TTLL1: variants seen among roughly 807,000 people sequenced by gnomAD.
TTLL1 encodes the protein polyglutamylase complex subunit TTLL1.
Under a neutral mutation model 47.8 loss-of-function variants are expected in TTLL1, and 33 were observed. That is an observed-to-expected ratio of 0.69 (90% confidence interval 0.52 to 0.92). The LOEUF (loss-of-function observed/expected upper bound fraction) is 0.92. Among genes scored for constraint, TTLL1 ranks in the 40% least tolerant of loss-of-function variants. TTLL1 has a pLI of 0.00. For missense variants in TTLL1, 488 were observed against 547.5 expected, an observed-to-expected ratio of 0.89 and a Z score of 1.08; for synonymous variants, 225 against 214.1, an observed-to-expected ratio of 1.05 and a Z score of -0.45.
chr22:43,049,040 C>A (rs1926383444), intron 9 of TTLL1, among the ~76,000 whole-genome samples: 1 of 151,748 alleles, frequency 6.6e-6, no homozygotes, highest in Admixed American at 6.6e-5. Flanking sequence ...ACTATGTTCA[C>A]TATTTGGGTG....
At chr22:43,052,220 G>T (rs1926689568) in intron 8 of TTLL1, 2 of 365,522 alleles carry the variant, frequency 5.5e-6, no homozygotes, top group Non-Finnish European at 1.1e-5. Context: ...CCCAGAACCT[G>T]CAGTGAAGGT....
At chr22:43,081,885 T>C (rs187282259) in intron 1 of TTLL1, among the ~76,000 whole-genome samples, 28 of 128,072 alleles carry the variant, frequency 2.2e-4, no homozygotes, top group Non-Finnish European at 3.9e-4. Context: ...AGTCTTTCTC[T>C]GTCACTCAGG....
intron 8 of TTLL1, among the ~76,000 whole-genome samples, chr22:43,054,621 A>G (rs1298789204): frequency 6.6e-6 from 1 of 150,426 alleles, no homozygotes; most frequent in Non-Finnish European, 1.5e-5. Flanking sequence ...ATAGGATTTC[A>G]CCATGTTGGC....
chr22:43,043,201 A>G (rs1925838994), intron 10 of TTLL1, among the ~76,000 whole-genome samples: 1 of 151,856 alleles, frequency 6.6e-6, no homozygotes, highest in South Asian at 2.1e-4. Context: ...TTGGCCTCCC[A>G]AAGTGCTGGG....
intron 10 of TTLL1, among the ~76,000 whole-genome samples, chr22:43,045,740 C>T (rs1437338300): frequency 6.6e-6 from 1 of 151,912 alleles, no homozygotes; most frequent in African/African-American, 2.4e-5. Flanking sequence ...CGCACTCCAC[C>T]CAGCCTACTC....
At chr22:43,070,689 C>T (rs1407116661) in intron 3 of TTLL1, among the ~76,000 whole-genome samples, 3 of 152,114 alleles carry the variant, frequency 2.0e-5, no homozygotes, top group Admixed American at 2.0e-4. Context: ...TTAAGGGACC[C>T]CCATTGCCCC....
intron 3 of TTLL1, chr22:43,070,272 A>T (rs1415308719): frequency 8.5e-7 from 1 of 1,175,052 alleles, no homozygotes. Context: ...GGGGTTATTT[A>T]AGGGCCCTGA....
chr22:43,043,613 C>T (rs1465662772), intron 10 of TTLL1, among the ~76,000 whole-genome samples: 1 of 152,084 alleles, frequency 6.6e-6, no homozygotes, highest in African/African-American at 2.4e-5. Context: ...TGCCCATCAT[C>T]GCACCCACCA....
Position 43,041,809 on chromosome 22 carries a change from C to T in TTLL1, c.1143-1904G>A, listed in dbSNP as rs534464351. On this transcript the variant is annotated intron_variant, in intron 10 of 10. Transcript: ENST00000266254. ...GGGATTACAGGTGTGAGCCACTGCG[C>T]CTGGCCGCATTTTCTGACTTCTGTC... is the stretch of plus-strand genomic sequence containing the variant. 3.9e-5 allele frequency among the ~76,000 whole-genome samples: 6 copies of T among 152,282 alleles called. No individual in the cohort carries two copies. In the South Asian group the frequency reaches 1.0e-3, roughly 26 times the overall value.
intron 3 of TTLL1, chr22:43,070,341 T>C (rs1401742335): frequency 1.8e-6 from 1 of 554,712 alleles, no homozygotes; most frequent in East Asian, 7.1e-5. Context: ...ACGACAGAGT[T>C]GAAAGAGAAA....
chr22:43,062,503 A>AAG (rs35579475), intron 7 of TTLL1, among the ~76,000 whole-genome samples: 1 of 145,942 alleles, frequency 6.9e-6, no homozygotes, highest in East Asian at 2.2e-4. Context: ...AAAAAAAAAA[A>AAG]GAAAAGAAAA....
In TTLL1 at chr22:43,040,197, G is replaced by C; in HGVS notation, c.1143-292C>G. 1.1e-5 allele frequency: 3 copies of C among 271,340 alleles called. No individual in the cohort carries two copies. The South Asian group carries it at 1.5e-4, about 13-fold the overall frequency. The allele number at this position is 271,340 out of a possible 1,614,324, so 16.8% of individuals were successfully genotyped here. On this transcript the variant is annotated intron_variant, in intron 10 of 10. Transcript: ENST00000266254. Reference sequence around the variant, plus strand: ...CCTCGGAAGCTGACATTTTATACAGGTCACCAGGTCAAATATGGCAATGAC... The same window carrying C: ...CCTCGGAAGCTGACATTTTATACAGCTCACCAGGTCAAATATGGCAATGAC...
intron 2 of TTLL1, among the ~76,000 whole-genome samples, chr22:43,077,730 G>A (rs947934813): frequency 1.3e-5 from 2 of 152,152 alleles, no homozygotes; most frequent in Non-Finnish European, 2.9e-5. Context: ...CTCCAACCAG[G>A]AAGGCTACAG....
chr22:43,080,579 C>T (rs757972332), intron 1 of TTLL1, among the ~76,000 whole-genome samples: 2 of 152,132 alleles, frequency 1.3e-5, no homozygotes, highest in Non-Finnish European at 2.9e-5. Flanking sequence ...TCAGCCCCTT[C>T]CCACACCTGC....
intron 1 of TTLL1, among the ~76,000 whole-genome samples, chr22:43,086,711 G>C (rs895461992): frequency 1.3e-5 from 2 of 152,114 alleles, no homozygotes; most frequent in Non-Finnish European, 2.9e-5. Context: ...AATCAGGTCA[G>C]CTCCACTCCA....
chr22:43,083,718 A>AC (rs34455987), intron 1 of TTLL1, among the ~76,000 whole-genome samples: 37,286 of 151,954 alleles, frequency 0.25, 5,065 homozygotes, highest in Middle Eastern at 0.38. Flanking sequence ...ACAAGAGCAA[A>AC]CTCCATCTCA....
At position 43,052,135 on chromosome 22, in the gene TTLL1, C is replaced by T. The variant is rs1926680075; in HGVS notation, c.892-248G>A. 10 of 494,142 alleles carry T rather than the reference C, an allele frequency of 2.0e-5. No individual in the cohort carries two copies. The East Asian group carries it at 3.8e-4, about 19-fold the overall frequency. 30.6% of individuals were successfully genotyped at this position (494,142 alleles called of 1,614,324 possible). ...ATGGGCATCTCTGCGTCTCACTCAT[C>T]AGAGGCTTGACTAGCACCCAACCCC... On this transcript the variant is annotated intron_variant, in intron 8 of 10. Transcript: ENST00000266254.
chr22:43,069,608 A>G, intron 4 of TTLL1, 28 bp downstream of exon 4: 3 of 1,613,576 alleles, frequency 1.9e-6, no homozygotes, highest in Non-Finnish European at 2.5e-6. Context: ...GTTTACTGAA[A>G]ACATGAGCCG....
chr22:43,054,220 G>T (rs1431045821), intron 8 of TTLL1, among the ~76,000 whole-genome samples: 1 of 152,150 alleles, frequency 6.6e-6, no homozygotes, highest in Non-Finnish European at 1.5e-5. Context: ...AAGGTATAAG[G>T]AGCTTCAGTG....
Sources: allele counts gnomAD v4.1 joint callset (sites outside exome capture counted in the v4.1 genomes callset), GRCh38; gene constraint gnomAD v4.1.1; transcripts MANE v1.5; gene names NCBI Gene and HGNC (gene_info 2026-07-23, HGNC 2026-07-21).